INTS7: variants seen among roughly 807,000 people sequenced by gnomAD.
INTS7 encodes chromosome 1 open reading frame 73.
INTS7 carries 46 observed loss-of-function variants against 109.2 expected under a neutral mutation model. The observed-to-expected ratio is 0.42, with a 90% confidence interval of 0.33 to 0.54. INTS7 has a LOEUF of 0.54. Among genes scored for constraint, INTS7 ranks in the 20% least tolerant of loss-of-function variants. The pLI is 0.07. For missense variants in INTS7, 929 were observed against 1,132.4 expected (o/e 0.82, Z 2.58); for synonymous variants, 412 against 402.9 (o/e 1.02, Z -0.27).
chr1:212,017,801 T>C (rs1666506072), intron 3 of INTS7, among the ~76,000 whole-genome samples: 1 of 152,224 alleles, frequency 6.6e-6, no homozygotes, highest in South Asian at 2.1e-4. Context: ...CACCTAATTA[T>C]TCCCTGTAAT....
chr1:212,006,578 T>C, intron 7 of INTS7, 61 bp downstream of exon 7: 2 of 808,664 alleles, frequency 2.5e-6, no homozygotes, highest in Non-Finnish European at 3.5e-6. Context: ...ATGCAAAACA[T>C]TTTACTATAT....
chr1:212,026,717 C>A (rs1008942617), intron 1 of INTS7, among the ~76,000 whole-genome samples: 4 of 152,126 alleles, frequency 2.6e-5, no homozygotes, highest in Non-Finnish European at 5.9e-5. Flanking sequence ...TTGAAAAAAT[C>A]CACAGTAATT....
At chr1:212,010,407 GCTTTGTAGT>G (rs2102473028) in intron 5 of INTS7, among the ~76,000 whole-genome samples, 1 of 152,274 alleles carries the variant, frequency 6.6e-6, no homozygotes, top group South Asian at 2.1e-4. Context: ...GAAAACCAGG[GCTTTGTAGT>G]CTATGGTAAG....
At chr1:212,000,179 T>C (rs186162615) in intron 7 of INTS7, among the ~76,000 whole-genome samples, 2 of 151,974 alleles carry the variant, frequency 1.3e-5, no homozygotes, top group African/African-American at 4.8e-5. Context: ...ATAAAAAAAA[T>C]TTTTAAATCA....
In INTS7 at chr1:211,941,713, A is replaced by T; in HGVS notation, c.*111T>A. The T allele has an allele frequency of 6.9e-7, 1 of 1,446,310 alleles. No homozygotes were observed. Among genetic ancestry groups the T allele is most frequent in the Non-Finnish European group, 9.3e-7 (1 of 1,075,792 alleles). The allele number at this position is 1,446,310 out of a possible 1,614,324, so 89.6% of individuals were successfully genotyped here. On this transcript the variant is annotated 3_prime_UTR_variant, in exon 20 of 20. Coordinates refer to ENST00000366994, the MANE Select transcript of INTS7 (RefSeq NM_015434.4). ...CCAGAATATTACATTACAAAAATCA[A>T]TGAATAAATGAACTACACTGTAACT...
intron 8 of INTS7, among the ~76,000 whole-genome samples, chr1:211,984,013 G>C (rs187361998): frequency 6.6e-6 from 1 of 151,930 alleles, no homozygotes; most frequent in Non-Finnish European, 1.5e-5. Flanking sequence ...ACAGGTGCAT[G>C]CCACCATACC....
At chr1:212,019,452 CA>C (rs1162427563) in intron 3 of INTS7, among the ~76,000 whole-genome samples, 1 of 152,076 alleles carries the variant, frequency 6.6e-6, no homozygotes, top group Non-Finnish European at 1.5e-5. Context: ...GAAGATGTGA[CA>C]TCCCAAACTT....
intron 8 of INTS7, among the ~76,000 whole-genome samples, chr1:211,986,195 G>A (rs1314898911): frequency 6.6e-6 from 1 of 151,864 alleles, no homozygotes; most frequent in East Asian, 1.9e-4. Flanking sequence ...AAAAACTAAG[G>A]TGCCTCAGCA....
At chr1:212,009,164 A>G (rs926711152) in intron 5 of INTS7, among the ~76,000 whole-genome samples, 1 of 152,120 alleles carries the variant, frequency 6.6e-6, no homozygotes, top group Non-Finnish European at 1.5e-5. Context: ...TTTCATTTCC[A>G]TATCTTAGGT....
chr1:211,946,682 G>A lies in INTS7; in HGVS notation c.2340C>T (p.Ala780=). ...GGGGAACTTTCAGCAAAGCAATGAT[G>A]GCATTGCAGAGGCATGCTGTGTGCT... ...SYMHTACLCN[A]IIALLKVPLS... The change falls in exon 18 of 20, where the codon GCC becomes GCT. Residue 780 remains alanine (A), a synonymous_variant. Transcript: ENST00000366994. This position sits in a 1 kb window ranked among gnomAD's most constrained non-coding sequence, Gnocchi z 4.3. The A allele has an allele frequency of 6.2e-7, 1 of 1,612,272 alleles. No homozygotes were observed. Among genetic ancestry groups the A allele is most frequent in the Non-Finnish European group, 8.5e-7 (1 of 1,178,470 alleles).
chr1:211,956,620 T>C (rs1390257866), intron 16 of INTS7, among the ~76,000 whole-genome samples: 1 of 152,216 alleles, frequency 6.6e-6, no homozygotes, highest in Non-Finnish European at 1.5e-5. Context: ...TTTATTTTTT[T>C]TCTTGCTCAG....
chr1:211,979,915 T>C (rs1420694788), intron 10 of INTS7, among the ~76,000 whole-genome samples: 1 of 152,212 alleles, frequency 6.6e-6, no homozygotes, highest in African/African-American at 2.4e-5. Flanking sequence ...TTGTGAAATA[T>C]CAGAGAATGT....
chr1:211,970,288 C>T (rs992387681), intron 13 of INTS7, among the ~76,000 whole-genome samples: 1 of 152,122 alleles, frequency 6.6e-6, no homozygotes, highest in African/African-American at 2.4e-5. Context: ...CTAAGAAAAC[C>T]TTTAACTATT....
Position 211,982,620 on chromosome 1 carries a change from T to A in INTS7, c.1132+56A>T, listed in dbSNP as rs1031653068. 66 of 1,390,882 alleles carry A rather than the reference T, an allele frequency of 4.7e-5. 1 individual carries two copies. The South Asian group carries it at 7.1e-4, about 15-fold the overall frequency. The allele number at this position is 1,390,882 out of a possible 1,614,324, so 86.2% of individuals were successfully genotyped here. ...GGATTAAAAAAAAATCAAACAGAAT[T>A]CTGTCCAAGGTCTAAACCAAAGTTT... On this transcript the variant is annotated intron_variant, in intron 9 of 19. Coordinates refer to ENST00000366994, the MANE Select transcript of INTS7 (RefSeq NM_015434.4).
intron 5 of INTS7, among the ~76,000 whole-genome samples, chr1:212,011,044 G>C (rs187610081): frequency 6.6e-6 from 1 of 151,918 alleles, no homozygotes; most frequent in African/African-American, 2.4e-5. Flanking sequence ...AAATAGATAA[G>C]TCCCTTCTCT....
Position 211,940,697 on chromosome 1 carries a change from CAACA to C in INTS7, c.*1123_*1126del, listed in dbSNP as rs1205380087. 6.6e-6 allele frequency: 1 copy of C among 152,104 alleles called. No individual in the cohort carries two copies. The highest frequency in any genetic ancestry group is 2.4e-5 in the African/African-American group (1 of 41,428). The allele number at this position is 152,104 out of a possible 1,614,324, so 9.4% of individuals were successfully genotyped here. ...AGAAAACTCTGTTCCCTGAGCATCC[CAACA>C]AACTGAGCCTGTGTAATAAAGAGAC... is the stretch of plus-strand genomic sequence containing the variant. On this transcript the variant is annotated 3_prime_UTR_variant, in exon 20 of 20. Transcript: ENST00000366994.
chr1:211,952,099 G>C (rs902929794), intron 17 of INTS7, among the ~76,000 whole-genome samples: 4 of 152,210 alleles, frequency 2.6e-5, no homozygotes, highest in South Asian at 2.1e-4. Flanking sequence ...CAATTGTCCA[G>C]TGGTTCTCCC....
chr1:211,975,622 T>C (rs1317003269), intron 12 of INTS7, among the ~76,000 whole-genome samples: 1 of 152,186 alleles, frequency 6.6e-6, no homozygotes, highest in Non-Finnish European at 1.5e-5. Context: ...AGAAAATAAA[T>C]GGAATCAACT....
intron 7 of INTS7, among the ~76,000 whole-genome samples, chr1:212,005,963 C>G (rs1665889321): frequency 6.6e-6 from 1 of 152,036 alleles, no homozygotes; most frequent in African/African-American, 2.4e-5. Context: ...ATCTGAAATT[C>G]AAAGATTTTT....
Sources: allele counts gnomAD v4.1 joint callset (sites outside exome capture counted in the v4.1 genomes callset), GRCh38; gene constraint gnomAD v4.1.1; non-coding constraint Gnocchi (gnomAD v3.1); transcripts MANE v1.5; gene names NCBI Gene and HGNC (gene_info 2026-07-23, HGNC 2026-07-21).